Variants in STAG2 observed in about 807,000 individuals in gnomAD.
The protein encoded by STAG2 is cohesin subunit SA-2.
STAG2 carries 14 observed loss-of-function variants against 108.1 expected under a neutral mutation model. That is an observed-to-expected ratio of 0.13 (90% CI 0.09 to 0.20). The LOEUF (loss-of-function observed/expected upper bound fraction) is 0.20, where lower values mean the gene tolerates loss of function less well. Among genes scored for constraint, STAG2 ranks in the 10% least tolerant of loss-of-function variants. The pLI is 1.00. For missense variants in STAG2, 440 were observed against 940.9 expected (o/e 0.47, Z 6.96); for synonymous variants, 307 against 302.7 (o/e 1.01, Z -0.15).
At chrX:124,089,611 A>G (rs189921137) in intron 30 of STAG2, among the ~76,000 whole-genome samples, 25 of 110,879 alleles carry the variant, frequency 2.3e-4, no homozygotes, top group African/African-American at 7.5e-4. Flanking sequence ...TTCTGTTTTT[A>G]AGTTCACTCC....
intron 34 of STAG2, among the ~76,000 whole-genome samples, chrX:124,097,034 C>A (rs2059397352): frequency 9.1e-6 from 1 of 110,084 alleles, no homozygotes; most frequent in Non-Finnish European, 1.9e-5. Context: ...AAAAAATTAG[C>A]TGGGCATGAA....
chrX:124,007,216 T>A (rs900316800), intron 1 of STAG2, among the ~76,000 whole-genome samples: 2 of 105,270 alleles, frequency 1.9e-5, no homozygotes, highest in East Asian at 6.2e-4. Context: ...CAGGTCTCGC[T>A]GTGTTGACCA....
intron 1 of STAG2, among the ~76,000 whole-genome samples, chrX:123,973,330 C>G (rs1400938608): frequency 9.3e-6 from 1 of 107,704 alleles, no homozygotes; most frequent in African/African-American, 3.4e-5. Context: ...ATCATGAGGT[C>G]AGGAGATCGA....
At chrX:123,982,524 T>C (rs369457642) in intron 1 of STAG2, among the ~76,000 whole-genome samples, 3 of 110,837 alleles carry the variant, frequency 2.7e-5, no homozygotes, top group African/African-American at 9.8e-5. Flanking sequence ...TCTGAGTAGC[T>C]GGGATTACAG....
intron 6 of STAG2, 32 bp from the exon 7 acceptor site, chrX:124,042,537 A>C: frequency 9.5e-7 from 1 of 1,048,651 alleles, no homozygotes; most frequent in Non-Finnish European, 1.3e-6. Flanking sequence ...TTATCACACC[A>C]TATATTAACT....
chrX:124,085,378 T>C (rs1218314345), intron 29 of STAG2, among the ~76,000 whole-genome samples: 2 of 111,435 alleles, frequency 1.8e-5, no homozygotes, highest in African/African-American at 6.5e-5. Context: ...ATATTTTGGC[T>C]CAAGTTTTGT....
chrX:124,047,686 A>G (rs1373343742), intron 9 of STAG2, among the ~76,000 whole-genome samples, 181 bp downstream of exon 9: 8 of 111,798 alleles, frequency 7.2e-5, no homozygotes, highest in South Asian at 3.7e-4. Flanking sequence ...CTGTTTTCTT[A>G]TTTTCAACCT....
intron 26 of STAG2, among the ~76,000 whole-genome samples, chrX:124,077,168 C>G (rs183585855): frequency 9.0e-6 from 1 of 110,632 alleles, no homozygotes; most frequent in African/African-American, 3.3e-5. Flanking sequence ...AGTTAATCCT[C>G]TCTGGAATAT....
intron 14 of STAG2, among the ~76,000 whole-genome samples, chrX:124,056,731 TA>T (rs771229412): frequency 3.3e-4 from 14 of 42,364 alleles, no homozygotes; most frequent in South Asian, 3.4e-3. Flanking sequence ...AGACTCCATC[TA>T]AAAAAAAAAA....
intron 1 of STAG2, among the ~76,000 whole-genome samples, chrX:124,009,419 GTAGGTAGGTAGGTAGGTAGGTAGGTAGA>G (rs1454206144): frequency 5.0e-5 from 4 of 80,218 alleles, no homozygotes; most frequent in Non-Finnish European, 1.0e-4. Context: ...AGGTAGGTAG[GTAGGTAGGTAGGTAGGTAGGTAGGTAGA>G]TAGATAGATA....
intron 6 of STAG2, among the ~76,000 whole-genome samples, chrX:124,040,837 CTCT>C (rs1285284868): frequency 3.0e-5 from 3 of 99,475 alleles, no homozygotes; most frequent in African/African-American, 1.1e-4. Flanking sequence ...AGAGTGTTTT[CTCT>C]TCTCCTCTTC....
chrX:124,028,337 A>C (rs894156724), intron 4 of STAG2, among the ~76,000 whole-genome samples: 1 of 111,402 alleles, frequency 9.0e-6, no homozygotes, highest in Admixed American at 9.6e-5. Context: ...TAAGTGACTA[A>C]TGAGCTGCGT....
intron 4 of STAG2, among the ~76,000 whole-genome samples, chrX:124,029,659 ACT>A (rs1335443857): frequency 8.9e-6 from 1 of 112,317 alleles, no homozygotes; most frequent in African/African-American, 3.2e-5. Flanking sequence ...TGCTACAGAG[ACT>A]GTATGTGGCC....
chrX:123,960,734 G>A (rs2053812014), upstream of STAG2: 1 of 108,228 alleles, frequency 9.2e-6, no homozygotes, highest in Admixed American at 9.9e-5. Context: ...TAGAATTCGA[G>A]GGTGTAAAGA....
Position 124,086,752 on chromosome X carries a change from G to A in STAG2, c.3259G>A (p.Gly1087Ser), listed in dbSNP as rs2148467237. ...PSTGKRKVVE[G>S]MQLSLTEESS... ...TACAGGAAAACGGAAAGTGGTTGAG[G>A]GCATGCAGCTTTCACTCAGTAAGGA... The change falls in exon 30 of 35, where the codon GGC becomes AGC. Residue 1087 changes from glycine to serine, a missense_variant. Gly to Ser is a moderately conservative substitution (Grantham distance 56). Around this residue, in one of 3 missense-constraint regions of STAG2, gnomAD observed 337 missense variants for 649.3 expected, o/e 0.52. Coordinates refer to ENST00000371145, the MANE Select transcript of STAG2 (RefSeq NM_001042750.2). The A allele has an allele frequency of 8.3e-7, 1 of 1,198,770 alleles. No individual in the cohort carries two copies. The highest frequency in any genetic ancestry group is 1.1e-6 in the Non-Finnish European group (1 of 889,090).
intron 1 of STAG2, among the ~76,000 whole-genome samples, chrX:123,979,989 T>C (rs1394057234): frequency 8.9e-6 from 1 of 112,199 alleles, no homozygotes; most frequent in East Asian, 2.8e-4. Flanking sequence ...TAGGTTTTGG[T>C]TAATATTTAA....
chrX:124,031,197 C>T (rs1160726610), intron 5 of STAG2, 72 bp downstream of exon 5: 5 of 1,010,484 alleles, frequency 4.9e-6, no homozygotes, highest in Non-Finnish European at 6.5e-6. Flanking sequence ...GAGTGTAGCT[C>T]TGATTTTTCT....
intron 23 of STAG2, among the ~76,000 whole-genome samples, chrX:124,066,996 A>C (rs1022238743): frequency 9.0e-6 from 1 of 111,620 alleles, no homozygotes; most frequent in African/African-American, 3.3e-5. Flanking sequence ...AAGCTTAAAC[A>C]TTGTACTTGT....
At chrX:123,977,847 T>G (rs1263471787) in intron 1 of STAG2, among the ~76,000 whole-genome samples, 2 of 90,747 alleles carry the variant, frequency 2.2e-5, no homozygotes, top group African/African-American at 4.1e-5. Flanking sequence ...TTTTTTTTTT[T>G]TTTTTTTTTT....
Sources: gnomAD v4.1 joint callset for allele counts (sites outside exome capture counted in the v4.1 genomes callset) on GRCh38, gnomAD v4.1.1 for gene constraint, gnomAD v4.1.1 regional missense constraint, MANE v1.5 for transcripts, NCBI Gene and HGNC (gene_info 2026-07-23, HGNC 2026-07-21) for gene names.